TMEM50B: variants seen among roughly 807,000 people sequenced by gnomAD.
The protein encoded by TMEM50B is transmembrane protein 50B.
A neutral mutation model predicts 23.4 loss-of-function variants in TMEM50B; 14 were observed. The ratio of observed to expected loss-of-function variants is 0.60; its 90% CI spans 0.39 to 0.93. TMEM50B has a LOEUF of 0.93. TMEM50B is among the 40% of genes least tolerant of loss of function. The probability of loss-of-function intolerance (pLI) is 0.00; values close to 1 mark genes in which losing one functional copy is unlikely to be tolerated. For missense variants in TMEM50B, 159 were observed against 193.0 expected, an observed-to-expected ratio of 0.82 and a Z score of 1.04; for synonymous variants, 64 against 62.3, an observed-to-expected ratio of 1.03 and a Z score of -0.13.
intron 5 of TMEM50B, 49 bp downstream of exon 5, chr21:33,460,364 A>C (rs993907380): frequency 8.3e-7 from 1 of 1,203,194 alleles, no homozygotes; most frequent in African/African-American, 1.5e-5. Flanking sequence ...CAAATATAAA[A>C]GACATATCTG....
At chr21:33,476,734 C>G (rs1473052818) in intron 1 of TMEM50B, among the ~76,000 whole-genome samples, 2 of 119,704 alleles carry the variant, frequency 1.7e-5, no homozygotes, top group Non-Finnish European at 3.2e-5. Context: ...GCACTCCAGC[C>G]TGGGCGACAG....
At chr21:33,446,229 T>A (rs1173785357), downstream of TMEM50B, among the ~76,000 whole-genome samples, 1 of 134,276 alleles carries the variant, frequency 7.4e-6, no homozygotes, top group Non-Finnish European at 1.6e-5. Flanking sequence ...CTTTTATTTT[T>A]TTTATTTTTT....
chr21:33,442,646 C>A (rs1388352523), intron 7 of TMEM50B, among the ~76,000 whole-genome samples: 2 of 152,124 alleles, frequency 1.3e-5, no homozygotes, highest in African/African-American at 2.4e-5. Context: ...TGTGGCCAGG[C>A]GCGCTGGCTC....
Position 33,449,908 on chromosome 21 carries a change from T to C in TMEM50B, c.*910A>G, listed in dbSNP as rs894187506. On this transcript the variant is annotated 3_prime_UTR_variant, in exon 7 of 7. Transcript: ENST00000542230. ...TTACACAGTCTTTTTACAGTAACCA[T>C]AAAAAACTGAGTTTATTTGATCATG... is the stretch of plus-strand genomic sequence containing the variant. 1.3e-5 allele frequency: 2 copies of C among 152,636 alleles called. No individual in the cohort carries two copies. Among genetic ancestry groups the C allele is most frequent in the African/African-American group, 4.8e-5 (2 of 41,448 alleles). 9.5% of individuals were successfully genotyped at this position (152,636 alleles called of 1,614,324 possible).
rs2084093833 is a variant in TMEM50B, at chr21:33,449,146, G to C, written c.*1672C>G. 1 of 152,140 alleles carries C rather than the reference G, an allele frequency of 6.6e-6. No individual in the cohort carries two copies. The highest frequency in any genetic ancestry group is 2.4e-5 in the African/African-American group (1 of 41,422). 9.4% of individuals were successfully genotyped at this position (152,140 alleles called of 1,614,324 possible). ...AACAAACAACAATATTAAACTGTAT[G>C]AGAAGTAATATTTATTGCAACAGGT... is the stretch of plus-strand genomic sequence containing the variant. On this transcript the variant is annotated 3_prime_UTR_variant, in exon 7 of 7. Coordinates refer to ENST00000542230, the MANE Select transcript of TMEM50B (RefSeq NM_006134.7).
chr21:33,464,135 T>C (rs1023566911), intron 4 of TMEM50B, among the ~76,000 whole-genome samples: 4 of 152,078 alleles, frequency 2.6e-5, no homozygotes, highest in Admixed American at 2.6e-4. Context: ...ACTTACTTGC[T>C]CTGTGACTTT....
chr21:33,437,100 A>T, intron 8 of TMEM50B: 1 of 755,416 alleles, frequency 1.3e-6, no homozygotes. Context: ...GACATGAGAG[A>T]CAGCAGGTCT....
At chr21:33,438,885 A>G (rs187931212) in intron 8 of TMEM50B, among the ~76,000 whole-genome samples, 66 of 151,930 alleles carry the variant, frequency 4.3e-4, no homozygotes, top group African/African-American at 1.5e-3. Flanking sequence ...GTGCACCACT[A>G]TGCCTGGCTA....
At chr21:33,477,609 G>A (rs1001610373) in intron 1 of TMEM50B, among the ~76,000 whole-genome samples, 1 of 9,402 alleles carries the variant, frequency 1.1e-4, no homozygotes, top group Non-Finnish European at 1.6e-4. Flanking sequence ...GGCCGAGGCG[G>A]GGGGGGGTTA....
chr21:33,452,287 T>C (rs2084128981), intron 6 of TMEM50B, among the ~76,000 whole-genome samples: 2 of 152,206 alleles, frequency 1.3e-5, no homozygotes, highest in Admixed American at 6.5e-5. Flanking sequence ...AGGTAGAGCA[T>C]GGTGGTCTGA....
chr21:33,465,530 T>A, intron 3 of TMEM50B, 121 bp from the exon 4 acceptor site: 1 of 695,090 alleles, frequency 1.4e-6, no homozygotes. Flanking sequence ...TCTGAATAAT[T>A]TAACATATTT....
downstream of TMEM50B, among the ~76,000 whole-genome samples, chr21:33,445,499 T>C (rs2123402662): frequency 6.6e-6 from 1 of 152,360 alleles, no homozygotes; most frequent in Middle Eastern, 3.4e-3. Context: ...AAACATCCCT[T>C]CAAAAGTCAT....
chr21:33,471,415 C>T (rs1161388806), intron 1 of TMEM50B, among the ~76,000 whole-genome samples: 2 of 152,028 alleles, frequency 1.3e-5, no homozygotes, highest in Non-Finnish European at 2.9e-5. Flanking sequence ...GGAAAAAGAA[C>T]AGTCAATAGA....
intron 6 of TMEM50B, among the ~76,000 whole-genome samples, chr21:33,454,186 A>G (rs1345849464): frequency 6.6e-6 from 1 of 152,126 alleles, no homozygotes; most frequent in Admixed American, 6.6e-5. Context: ...CTGCCCCTAA[A>G]AAATACTTTT....
intron 5 of TMEM50B, 64 bp from the exon 6 acceptor site, chr21:33,455,848 G>T: frequency 9.1e-7 from 1 of 1,104,206 alleles, no homozygotes; most frequent in Non-Finnish European, 1.4e-6. Flanking sequence ...TAAAGTATCA[G>T]TGCCATTCAT....
chr21:33,468,347 C>A (rs1355658236), intron 2 of TMEM50B: 2 of 153,564 alleles, frequency 1.3e-5, no homozygotes, highest in Non-Finnish European at 2.9e-5. Flanking sequence ...GATGGTATTT[C>A]TTCCCTAGAG....
chr21:33,460,236 C>G, intron 5 of TMEM50B, 177 bp downstream of exon 5: 3 of 556,748 alleles, frequency 5.4e-6, no homozygotes, highest in Non-Finnish European at 9.6e-6. Flanking sequence ...CCAGGGCTAT[C>G]CTACTGCACT....
At chr21:33,453,689 C>A (rs1366284295) in intron 6 of TMEM50B, among the ~76,000 whole-genome samples, 1 of 151,984 alleles carries the variant, frequency 6.6e-6, no homozygotes, top group Non-Finnish European at 1.5e-5. Flanking sequence ...TACTTAAAAC[C>A]AGTGACAAAA....
At chr21:33,441,426 A>C (rs990538775) in intron 7 of TMEM50B, among the ~76,000 whole-genome samples, 2 of 152,144 alleles carry the variant, frequency 1.3e-5, no homozygotes, top group Admixed American at 6.5e-5. Context: ...AAGGAAAACA[A>C]AGGTTCTTAA....
Sources: gnomAD v4.1 joint callset for allele counts (sites outside exome capture counted in the v4.1 genomes callset) on GRCh38, gnomAD v4.1.1 for gene constraint, MANE v1.5 for transcripts, NCBI Gene and HGNC (gene_info 2026-07-23, HGNC 2026-07-21) for gene names.